The following ZNF704 variants were observed in gnomAD, a reference collection of about 807,000 sequenced individuals.
ZNF704 encodes the protein zinc finger protein 704.
Under a neutral mutation model 44.7 loss-of-function variants are expected in ZNF704, and 10 were observed. The observed-to-expected ratio is 0.22, with a 90% CI of 0.14 to 0.38. ZNF704 has a LOEUF of 0.38. Ranked by LOEUF, ZNF704 falls within the 10% of genes least tolerant of loss-of-function variation. ZNF704 has a pLI of 1.00. For missense variants in ZNF704, 390 were observed against 545.5 expected, an observed-to-expected ratio of 0.71 and a Z score of 2.84; for synonymous variants, 211 against 207.6, an observed-to-expected ratio of 1.02 and a Z score of -0.14.
chr8:80,752,266 T>G (rs1806956954), intron 2 of ZNF704, among the ~76,000 whole-genome samples: 1 of 151,880 alleles, frequency 6.6e-6, no homozygotes, highest in Non-Finnish European at 1.5e-5. Flanking sequence ...AACATTGATC[T>G]GCAAAACTGT....
intron 2 of ZNF704, among the ~76,000 whole-genome samples, chr8:80,732,213 C>A (rs1303330904): frequency 6.6e-6 from 1 of 152,118 alleles, no homozygotes; most frequent in Admixed American, 6.5e-5. Flanking sequence ...ATATACTACA[C>A]CCATTTTCGG....
rs538601212 is a variant in ZNF704 at position 80,764,423 on chromosome 8, T to C, written c.221+56951A>G. 1.5e-4 allele frequency among the ~76,000 whole-genome samples: 23 copies of C among 152,136 alleles called. No homozygotes were observed. In the South Asian group the frequency reaches 4.8e-3, roughly 32 times the overall value. ...CCCAGATGCTTATAAAACCATCAGA[T>C]CTCATGAGAACTCACTATCACAAGA... is the stretch of plus-strand genomic sequence containing the variant. On this transcript the variant is annotated intron_variant, in intron 2 of 8. Coordinates refer to ENST00000327835, the MANE Select transcript of ZNF704 (RefSeq NM_001033723.3).
At chr8:80,879,360 C>T (rs1227969488), upstream of ZNF704, among the ~76,000 whole-genome samples, 3 of 152,054 alleles carry the variant, frequency 2.0e-5, no homozygotes, top group Non-Finnish European at 1.5e-5. Flanking sequence ...CCTCAGCCTC[C>T]AGAGTAGCTG....
Position 80,853,893 on chromosome 8 carries a change from C to T in ZNF704, c.-22+20678G>A, listed in dbSNP as rs183140384. ...TCACTGGGAAACAAGAGGTGTGTCACGAGGTTAACGGGAGTAAACAAAAGA... is the reference window on the plus strand; with the variant it reads ...TCACTGGGAAACAAGAGGTGTGTCATGAGGTTAACGGGAGTAAACAAAAGA... On this transcript the variant is annotated intron_variant, in intron 1 of 8. Coordinates refer to ENST00000327835, the MANE Select transcript of ZNF704 (RefSeq NM_001033723.3). Among the ~76,000 whole-genome samples the T allele has an allele frequency of 4.0e-4, 61 of 152,054 alleles. 1 individual carries two copies. In the East Asian group the frequency reaches 7.1e-3, roughly 18 times the overall value.
intron 4 of ZNF704, among the ~76,000 whole-genome samples, chr8:80,684,951 A>G (rs981642742): frequency 2.0e-5 from 3 of 152,132 alleles, no homozygotes; most frequent in African/African-American, 7.2e-5. Context: ...GGTCTGTGTA[A>G]AATCCATGCA....
At chr8:80,680,584 A>C (rs1279348933) in intron 4 of ZNF704, among the ~76,000 whole-genome samples, 1 of 152,110 alleles carries the variant, frequency 6.6e-6, no homozygotes, top group Admixed American at 6.5e-5. Flanking sequence ...TGGCTCTTTC[A>C]GGGTCAAGAG....
At chr8:80,695,542 C>T (rs558800734) in intron 2 of ZNF704, among the ~76,000 whole-genome samples, 18 of 152,298 alleles carry the variant, frequency 1.2e-4, no homozygotes, top group African/African-American at 4.1e-4. Flanking sequence ...AACCTTTTTC[C>T]GTCTTCTACA....
At chr8:80,702,785 C>T (rs59202477) in intron 2 of ZNF704, among the ~76,000 whole-genome samples, 2 of 151,836 alleles carry the variant, frequency 1.3e-5, no homozygotes, top group South Asian at 2.1e-4. Flanking sequence ...AAGGTATGGC[C>T]GTGGGAGTAG....
At chr8:80,760,356 AT>A (rs1187544717) in intron 2 of ZNF704, among the ~76,000 whole-genome samples, 1 of 152,108 alleles carries the variant, frequency 6.6e-6, no homozygotes, top group Non-Finnish European at 1.5e-5. Flanking sequence ...CTGTTCTTGC[AT>A]TGCTATAAAG....
rs1221087850 is a variant in ZNF704 at position 80,640,203 on chromosome 8, A to T, written c.*1163T>A. 1 of 152,586 alleles carries T rather than the reference A, an allele frequency of 6.6e-6. No homozygotes were observed. The highest frequency in any genetic ancestry group is 1.5e-5 in the Non-Finnish European group (1 of 68,032). The allele number at this position is 152,586 out of a possible 1,614,324, so 9.5% of individuals were successfully genotyped here. A position where few individuals can be genotyped will look rare whatever the true frequency, so the allele number is the denominator to read the frequency against. ...AAGTTTGGACCTTCCATTTACTCACATAATGTTTATATTGTTAATTAACTC... is the reference window on the plus strand; with the variant it reads ...AAGTTTGGACCTTCCATTTACTCACTTAATGTTTATATTGTTAATTAACTC... On this transcript the variant is annotated 3_prime_UTR_variant, in exon 9 of 9. Transcript: ENST00000327835.
intron 1 of ZNF704, among the ~76,000 whole-genome samples, chr8:80,832,626 A>C (rs1808489335): frequency 6.6e-6 from 1 of 152,168 alleles, no homozygotes; most frequent in Non-Finnish European, 1.5e-5. Flanking sequence ...ATCTGAAAAC[A>C]ACCCATTTGC....
intron 2 of ZNF704, among the ~76,000 whole-genome samples, chr8:80,755,527 A>C (rs891812052): frequency 6.6e-6 from 1 of 152,200 alleles, no homozygotes; most frequent in Non-Finnish European, 1.5e-5. Context: ...AGACATGACT[A>C]CTGAGAAACA....
At chr8:80,734,390 T>G (rs1032919958) in intron 2 of ZNF704, among the ~76,000 whole-genome samples, 1 of 152,194 alleles carries the variant, frequency 6.6e-6, no homozygotes, top group Non-Finnish European at 1.5e-5. Context: ...ACCTAAAAGA[T>G]GAAAGGAAGA....
At position 80,801,903 on chromosome 8, in the gene ZNF704, C is replaced by T. The variant is rs1807906642; in HGVS notation, c.221+19471G>A. On this transcript the variant is annotated intron_variant, in intron 2 of 8. Transcript: ENST00000327835. ...TCCAGGAGCTGGTTTTTTGAAAAAACTAATAAAATGGATAGATGGCCAGGC... is the reference window on the plus strand; with the variant it reads ...TCCAGGAGCTGGTTTTTTGAAAAAATTAATAAAATGGATAGATGGCCAGGC... 2.0e-5 allele frequency among the ~76,000 whole-genome samples: 3 copies of T among 151,738 alleles called. No individual in the cohort carries two copies. The South Asian group carries it at 6.2e-4, about 32-fold the overall frequency.
chr8:80,641,958 T>C (rs111878550), intron 8 of ZNF704, among the ~76,000 whole-genome samples: 1 of 152,258 alleles, frequency 6.6e-6, no homozygotes, highest in East Asian at 1.9e-4. Context: ...CTTGTGGACA[T>C]GTCCATTTGG....
intron 2 of ZNF704, among the ~76,000 whole-genome samples, chr8:80,785,040 G>A (rs1389191544): frequency 6.6e-6 from 1 of 152,118 alleles, no homozygotes; most frequent in East Asian, 1.9e-4. Context: ...ACTGTATTCA[G>A]ATTTCCTTGA....
At chr8:80,698,893 C>T (rs1343769061) in intron 2 of ZNF704, among the ~76,000 whole-genome samples, 1 of 152,140 alleles carries the variant, frequency 6.6e-6, no homozygotes, top group African/African-American at 2.4e-5. Flanking sequence ...CACTTCCTGC[C>T]TGAATACTGC....
At chr8:80,765,951 T>C (rs1044333131) in intron 2 of ZNF704, among the ~76,000 whole-genome samples, 13 of 152,158 alleles carry the variant, frequency 8.5e-5, no homozygotes, top group African/African-American at 2.9e-4. Context: ...AATTCATTAG[T>C]GTAGTTTACT....
intron 4 of ZNF704, among the ~76,000 whole-genome samples, chr8:80,683,712 G>A (rs1479290327): frequency 6.6e-6 from 1 of 152,188 alleles, no homozygotes; most frequent in Non-Finnish European, 1.5e-5. Flanking sequence ...ACATTTAAAA[G>A]CATTTGGTAA....
Sources: allele counts gnomAD v4.1 joint callset (sites outside exome capture counted in the v4.1 genomes callset), GRCh38; gene constraint gnomAD v4.1.1; transcripts MANE v1.5; gene names NCBI Gene and HGNC (gene_info 2026-07-23, HGNC 2026-07-21).